SORCS3: variants seen among roughly 807,000 people sequenced by gnomAD.
SORCS3 encodes the protein sortilin related VPS10 domain containing receptor 3.
SORCS3 carries 57 observed loss-of-function variants against 146.3 expected under a neutral mutation model. That is an observed-to-expected ratio of 0.39 (90% confidence interval 0.31 to 0.49). SORCS3 has a LOEUF of 0.49. Among genes scored for constraint, SORCS3 ranks in the 20% least tolerant of loss-of-function variants. The probability of loss-of-function intolerance (pLI) is 0.92; values close to 1 mark genes in which losing one functional copy is unlikely to be tolerated. For synonymous variants in SORCS3, 653 were observed against 618.5 expected, an observed-to-expected ratio of 1.06 and a Z score of -0.83; for missense variants, 1,341 against 1,575.5, an observed-to-expected ratio of 0.85 and a Z score of 2.52.
At position 104,863,671 on chromosome 10, in the gene SORCS3, G is replaced by C. The variant is rs892216786; in HGVS notation, c.695+20812G>C. Reference sequence around the variant, plus strand: ...TAGGAGTCTGTTGAAAGCCTGCCTGGGTCTAGCAGCTGTGGGTCTTCCAAG... The same window carrying C: ...TAGGAGTCTGTTGAAAGCCTGCCTGCGTCTAGCAGCTGTGGGTCTTCCAAG... On this transcript the variant is annotated intron_variant, in intron 2 of 26. Transcript: ENST00000369701. Among the ~76,000 whole-genome samples, 78 of 152,234 alleles carry C rather than the reference G, an allele frequency of 5.1e-4. 1 individual carries two copies. The highest frequency in any genetic ancestry group is 2.9e-5 in the Non-Finnish European group (2 of 68,026).
intron 1 of SORCS3, among the ~76,000 whole-genome samples, chr10:104,789,162 A>G (rs2017469223): frequency 6.6e-6 from 1 of 152,130 alleles, no homozygotes; most frequent in African/African-American, 2.4e-5. Flanking sequence ...GAAAACAGTC[A>G]AATTCAGCTT....
chr10:104,835,139 G>A (rs1266692256), intron 1 of SORCS3, among the ~76,000 whole-genome samples: 3 of 152,006 alleles, frequency 2.0e-5, no homozygotes, highest in Admixed American at 1.3e-4. Flanking sequence ...AGACATTCTC[G>A]TACTGTGGGT....
intron 4 of SORCS3, among the ~76,000 whole-genome samples, chr10:105,013,446 T>C (rs1373871898): frequency 6.6e-6 from 1 of 152,120 alleles, no homozygotes; most frequent in Non-Finnish European, 1.5e-5. Flanking sequence ...TATGATTCTC[T>C]ACATTTAAGA....
At chr10:104,780,069 G>C (rs376431022) in intron 1 of SORCS3, among the ~76,000 whole-genome samples, 1 of 151,820 alleles carries the variant, frequency 6.6e-6, no homozygotes, top group African/African-American at 2.4e-5. Context: ...TAGGGGTGAC[G>C]GGTGGTACAA....
intron 1 of SORCS3, among the ~76,000 whole-genome samples, chr10:104,664,421 G>C (rs2133251230): frequency 6.6e-6 from 1 of 152,314 alleles, no homozygotes; most frequent in African/African-American, 2.4e-5. Context: ...TAGAATGTTA[G>C]AGATGGACTT....
intron 2 of SORCS3, among the ~76,000 whole-genome samples, chr10:104,866,495 A>G (rs1163372676): frequency 6.6e-6 from 1 of 152,170 alleles, no homozygotes; most frequent in Admixed American, 6.5e-5. Flanking sequence ...GGCTGTGTGA[A>G]AGAGTAATTT....
intron 1 of SORCS3, among the ~76,000 whole-genome samples, chr10:104,783,739 G>A (rs1201086713): frequency 3.3e-5 from 5 of 152,090 alleles, no homozygotes; most frequent in Non-Finnish European, 7.4e-5. Context: ...AAAAGAGAGA[G>A]AGAGAGAAAA....
intron 3 of SORCS3, among the ~76,000 whole-genome samples, chr10:104,952,022 G>A (rs2019435934): frequency 6.6e-6 from 1 of 151,232 alleles, no homozygotes; most frequent in Non-Finnish European, 1.5e-5. Flanking sequence ...AAGCAAGTTA[G>A]CACCAGCACG....
chr10:104,975,123 CT>C (rs2054887378), intron 3 of SORCS3, among the ~76,000 whole-genome samples: 1 of 152,184 alleles, frequency 6.6e-6, no homozygotes, highest in Admixed American at 6.6e-5. Context: ...TCAAATTGTC[CT>C]TGTTTGCAGA....
At chr10:104,946,397 G>A (rs982902071) in intron 3 of SORCS3, among the ~76,000 whole-genome samples, 4 of 152,114 alleles carry the variant, frequency 2.6e-5, no homozygotes, top group African/African-American at 9.7e-5. Flanking sequence ...CCTGGCTCAT[G>A]TCCTTTCTCT....
intron 1 of SORCS3, among the ~76,000 whole-genome samples, chr10:104,663,404 C>G (rs2015726919): frequency 6.6e-6 from 1 of 152,196 alleles, no homozygotes; most frequent in Non-Finnish European, 1.5e-5. Flanking sequence ...TTTTCTTGTA[C>G]TCCCTACCCT....
intron 1 of SORCS3, among the ~76,000 whole-genome samples, chr10:104,760,936 C>T (rs563588963): frequency 6.1e-5 from 9 of 148,516 alleles, no homozygotes; most frequent in East Asian, 5.9e-4. Flanking sequence ...TTTGTTTTAT[C>T]GAAGAAAACA....
At chr10:105,060,421 C>T (rs1024469417) in intron 5 of SORCS3, among the ~76,000 whole-genome samples, 35 of 152,098 alleles carry the variant, frequency 2.3e-4, no homozygotes, top group Middle Eastern at 3.2e-3. Context: ...AAAGATTTTG[C>T]AGTTAATACA....
intron 1 of SORCS3, among the ~76,000 whole-genome samples, chr10:104,770,725 C>T (rs1564679514): frequency 6.6e-6 from 1 of 151,860 alleles, no homozygotes; most frequent in African/African-American, 2.4e-5. Context: ...CCCAGCTACT[C>T]ATGAAGCTGA....
intron 6 of SORCS3, among the ~76,000 whole-genome samples, chr10:105,100,236 C>T (rs1206830496): frequency 6.6e-6 from 1 of 152,132 alleles, no homozygotes; most frequent in Non-Finnish European, 1.5e-5. Context: ...AGTGACCACA[C>T]CAGCTCTTAG....
chr10:104,867,901 C>G (rs2018477746), intron 2 of SORCS3, among the ~76,000 whole-genome samples: 2 of 152,220 alleles, frequency 1.3e-5, no homozygotes, highest in South Asian at 2.1e-4. Flanking sequence ...TGTTAAAGAC[C>G]CTTTTTAAGT....
Position 105,214,625 on chromosome 10 carries a change from A to G in SORCS3, c.2547+12A>G, listed in dbSNP as rs150226947. ...TCCTCATGGAGGAGGTAGGTGCTCA[A>G]CTGGGTCTCTGAGGTCAGAACTCCC... On this transcript the variant is annotated intron_variant, in intron 18 of 26. Coordinates refer to ENST00000369701, the MANE Select transcript of SORCS3 (RefSeq NM_014978.3). 7.4e-5 allele frequency: 115 copies of G among 1,551,170 alleles called. No homozygotes were observed. In the East Asian group the frequency reaches 2.3e-3, roughly 31 times the overall value.
chr10:105,217,703 A>G (rs1429738023), intron 19 of SORCS3: 2 of 415,744 alleles, frequency 4.8e-6, no homozygotes, highest in African/African-American at 2.0e-5. Flanking sequence ...AATCTATTTC[A>G]TTGCTATTGG....
chr10:104,893,843 C>G (rs2018772784), intron 2 of SORCS3, among the ~76,000 whole-genome samples: 1 of 152,208 alleles, frequency 6.6e-6, no homozygotes, highest in Non-Finnish European at 1.5e-5. Flanking sequence ...TTCCGAGACT[C>G]TCCTTCACCC....
Sources: allele counts gnomAD v4.1 joint callset (sites outside exome capture counted in the v4.1 genomes callset), GRCh38; gene constraint gnomAD v4.1.1; transcripts MANE v1.5; gene names NCBI Gene and HGNC (gene_info 2026-07-23, HGNC 2026-07-21).